The following GSX2 variants were observed in gnomAD, a reference collection of about 807,000 sequenced individuals.
GSX2 encodes the protein GS homeobox 2.
GSX2 carries 16 observed loss-of-function variants against 19.2 expected under a neutral mutation model. The ratio of observed to expected loss-of-function variants is 0.84; its 90% CI spans 0.57 to 1.27. The LOEUF (loss-of-function observed/expected upper bound fraction) is 1.27, where lower values mean the gene tolerates loss of function less well. Among genes scored for constraint, GSX2 ranks in the 50% most tolerant of loss-of-function variants. The pLI, the probability that GSX2 is intolerant of heterozygous loss-of-function variation, is 0.00. For synonymous variants in GSX2, 217 were observed against 196.4 expected, an observed-to-expected ratio of 1.10 and a Z score of -0.88; for missense variants, 448 against 428.4, an observed-to-expected ratio of 1.05 and a Z score of -0.40.
chr4:54,100,484 G>A lies in GSX2; in HGVS notation c.140G>A (p.Gly47Asp), dbSNP rs1216189061. 4 of 1,613,714 alleles carry A rather than the reference G, an allele frequency of 2.5e-6. No homozygotes were observed. The Admixed American group carries it at 5.0e-5, about 20-fold the overall frequency. ...MPPPLVMSVS[G>D]PGCPSRKSGA... ...CCCCCATTGGTGATGTCCGTGTCCG[G>A]CCCCGGCTGCCCGTCCCGCAAGAGC... Residue 47 changes from glycine to aspartate, a missense_variant, in exon 1 of 2, where the codon GGC (glycine) becomes GAC (aspartate). Gly to Asp is a moderately conservative substitution (Grantham distance 94). Coordinates refer to ENST00000326902, the MANE Select transcript of GSX2 (RefSeq NM_133267.3).
rs1168415287 is a variant in GSX2, at chr4:54,100,510, G to A, written c.166G>A (p.Gly56Ser). The A allele has an allele frequency of 1.9e-6, 3 of 1,613,342 alleles. No homozygotes were observed. Among genetic ancestry groups the A allele is most frequent in the Middle Eastern group, 1.7e-4 (1 of 6,060 alleles). Residue 56 changes from glycine (G) to serine (S), a missense_variant, in exon 1 of 2, where the codon GGC (glycine) becomes AGC (serine). Gly to Ser is a moderately conservative substitution (Grantham distance 56). Coordinates refer to ENST00000326902, the MANE Select transcript of GSX2 (RefSeq NM_133267.3). ...CCCCGGCTGCCCGTCCCGCAAGAGC[G>A]GCGCGTTCTGCGTGTGCCCTCTCTG... ...SGPGCPSRKS[G>S]AFCVCPLCVT...
At position 54,101,563 on chromosome 4, in the gene GSX2, T is replaced by A. The variant is rs768706715; in HGVS notation, c.575-19T>A. On this transcript the variant is annotated intron_variant, in intron 1 of 1. Coordinates refer to ENST00000326902, the MANE Select transcript of GSX2 (RefSeq NM_133267.3). This position sits in a 1 kb window ranked among gnomAD's most constrained non-coding sequence, Gnocchi z 5.0. ...TTGCCCGAGCCTTACCTCTCTACCC[T>A]CTCTTCGCCGGTCCGCAGGAGGCTC... 3.8e-6 allele frequency: 6 copies of A among 1,579,784 alleles called. No individual in the cohort carries two copies. The African/African-American group carries it at 8.1e-5, about 21-fold the overall frequency.
rs1184765366 is a variant in GSX2, at chr4:54,101,609, A to G, written c.602A>G (p.Asn201Ser). 6.8e-6 allele frequency: 11 copies of G among 1,613,428 alleles called. No homozygotes were observed. The highest frequency in any genetic ancestry group is 2.2e-5 in the East Asian group (1 of 44,880). ...MGGSDASQVP[N>S]GKRMRTAFTS... is the part of the protein sequence containing the mutation. Reference sequence around the variant, plus strand: ...GGCTCTGACGCCAGCCAGGTACCCAATGGCAAGAGGATGAGGACGGCGTTC... The same window carrying G: ...GGCTCTGACGCCAGCCAGGTACCCAGTGGCAAGAGGATGAGGACGGCGTTC... The change falls in exon 2 of 2, where the codon AAT becomes AGT. Residue 201 changes from asparagine to serine, a missense_variant. Asn to Ser is a conservative substitution (Grantham distance 46). Transcript: ENST00000326902. The surrounding 1 kb of genome is among the most constrained non-coding windows in gnomAD (Gnocchi z 5.0).
chr4:54,100,595 G>A lies in GSX2; in HGVS notation c.251G>A (p.Gly84Glu). Residue 84 changes from glycine to glutamate, a missense_variant, in exon 1 of 2, where the codon GGG becomes GAG. Transcript: ENST00000326902. The part of the protein sequence containing the change: ...GSVGAGSGGA[G>E]AGVTGAGGSG... ...GTGGGCGCCGGCAGCGGGGGCGCAG[G>A]GGCCGGGGTTACCGGGGCCGGAGGC... 1.3e-6 allele frequency: 2 copies of A among 1,567,390 alleles called. No homozygotes were observed. Among genetic ancestry groups the A allele is most frequent in the Middle Eastern group, 1.7e-4 (1 of 5,982 alleles).
At chr4:54,100,958 C>A (rs757885674) in intron 1 of GSX2, 40 bp downstream of exon 1, 3 of 1,509,138 alleles carry the variant, frequency 2.0e-6, no homozygotes, top group Admixed American at 2.1e-5. Context: ...CCGCGCCTTT[C>A]GCGCTCCTGG....
rs770891732 is a variant in GSX2 at position 54,101,883 on chromosome 4, G to C, written c.876G>C (p.Pro292=). The C allele has an allele frequency of 1.2e-6, 2 of 1,612,240 alleles. No individual in the cohort carries two copies. Among genetic ancestry groups the C allele is most frequent in the Non-Finnish European group, 8.5e-7 (1 of 1,178,624 alleles). The change falls in exon 2 of 2, where the codon CCG becomes CCC. Residue 292 remains proline (P), a synonymous_variant. Coordinates refer to ENST00000326902, the MANE Select transcript of GSX2 (RefSeq NM_133267.3). The surrounding 1 kb of genome is among the most constrained non-coding windows in gnomAD (Gnocchi z 5.0). The part of the protein sequence containing the change: ...ARSEDEDSLS[P]ASANDDKEIS... ...CCGAGGATGAGGACTCCCTGTCGCCGGCCTCAGCCAACGATGACAAGGAGA... is the reference window on the plus strand; with the variant it reads ...CCGAGGATGAGGACTCCCTGTCGCCCGCCTCAGCCAACGATGACAAGGAGA...
chr4:54,100,662 G>A lies in GSX2; in HGVS notation c.318G>A (p.Lys106=). 1 of 1,549,000 alleles carries A rather than the reference G, an allele frequency of 6.5e-7. No individual in the cohort carries two copies. The highest frequency in any genetic ancestry group is 8.7e-7 in the Non-Finnish European group (1 of 1,146,412). Residue 106 remains lysine, a synonymous_variant, in exon 1 of 2, where the codon AAG becomes AAA. Transcript: ENST00000326902. ...CCGCAGGGGCACTGCCTCTGCTTAA[G>A]GGCCAGTTCTCTTCGGCTCCTGGGG... ...AGAAGALPLL[K]GQFSSAPGDA...
Position 54,100,490 on chromosome 4 carries a change from G to A in GSX2, c.146G>A (p.Gly49Asp), listed in dbSNP as rs1201802093. The A allele has an allele frequency of 6.2e-7, 1 of 1,613,664 alleles. No homozygotes were observed. The highest frequency in any genetic ancestry group is 1.6e-4 in the Middle Eastern group (1 of 6,062). ...PPLVMSVSGP[G>D]CPSRKSGAFC... is the part of the protein sequence containing the mutation. ...TTGGTGATGTCCGTGTCCGGCCCCG[G>A]CTGCCCGTCCCGCAAGAGCGGCGCG... The change falls in exon 1 of 2, where the codon GGC becomes GAC. Residue 49 changes from glycine (G) to aspartate (D), a missense_variant. By Grantham distance (94) the Gly-to-Asp change is moderately conservative (BLOSUM62 -1). Coordinates refer to ENST00000326902, the MANE Select transcript of GSX2 (RefSeq NM_133267.3).
intron 1 of GSX2, 42 bp downstream of exon 1, chr4:54,100,960 C>A (rs1013782692): frequency 6.6e-7 from 1 of 1,504,874 alleles, no homozygotes; most frequent in East Asian, 2.5e-5. Flanking sequence ...GCGCCTTTCG[C>A]GCTCCTGGAG....
rs1406922546 is a variant in GSX2 at position 54,100,625 on chromosome 4, G to A, written c.281G>A (p.Gly94Glu). ...GAGVTGAGGS[G>E]VAGAAGALPL... ...GGGGTTACCGGGGCCGGAGGCAGTG[G>A]GGTGGCAGGGGCCGCAGGGGCACTG... Residue 94 changes from glycine to glutamate, a missense_variant, in exon 1 of 2, where the codon GGG (glycine) becomes GAG (glutamate). Coordinates refer to ENST00000326902, the MANE Select transcript of GSX2 (RefSeq NM_133267.3). The A allele has an allele frequency of 2.6e-6, 4 of 1,550,588 alleles. No homozygotes were observed. Among genetic ancestry groups the A allele is most frequent in the Non-Finnish European group, 3.5e-6 (4 of 1,147,738 alleles).
Position 54,101,808 on chromosome 4 carries a change from C to A in GSX2, c.801C>A (p.Asn267Lys), listed in dbSNP as rs886200881. The change falls in exon 2 of 2, where the codon AAC becomes AAA. Residue 267 changes from asparagine to lysine, a missense_variant. Coordinates refer to ENST00000326902, the MANE Select transcript of GSX2 (RefSeq NM_133267.3). The surrounding 1 kb of genome is among the most constrained non-coding windows in gnomAD (Gnocchi z 5.0). ...AGGAGGGGAAGGGCACGCAGAGGAA[C>A]AGTCACGCGGGCTGCAAGTGCGTCG... ...HKKEGKGTQRNSHAGCKCVGS... is the reference protein window; with the variant it reads ...HKKEGKGTQRKSHAGCKCVGS... The A allele has an allele frequency of 6.2e-7, 1 of 1,614,230 alleles. No homozygotes were observed. Among genetic ancestry groups the A allele is most frequent in the Non-Finnish European group, 8.5e-7 (1 of 1,180,040 alleles).
Position 54,101,724 on chromosome 4 carries a change from G to A in GSX2, c.717G>A (p.Leu239=). Residue 239 remains leucine (L), a synonymous_variant, in exon 2 of 2, where the codon CTG becomes CTA. Coordinates refer to ENST00000326902, the MANE Select transcript of GSX2 (RefSeq NM_133267.3). This position sits in a 1 kb window ranked among gnomAD's most constrained non-coding sequence, Gnocchi z 5.0. ...RLRRIEIATY[L]NLSEKQVKIW... is the part of the protein sequence containing the mutation. ...GGAGGATTGAAATCGCCACTTACCT[G>A]AACCTGTCGGAGAAGCAGGTGAAAA... is the stretch of plus-strand genomic sequence containing the variant. The A allele has an allele frequency of 6.2e-7, 1 of 1,614,186 alleles. No individual in the cohort carries two copies. Among genetic ancestry groups the A allele is most frequent in the Non-Finnish European group, 8.5e-7 (1 of 1,180,028 alleles).
chr4:54,100,544 C>T lies in GSX2; in HGVS notation c.200C>T (p.Ser67Leu). The change falls in exon 1 of 2, where the codon TCG (serine) becomes TTG (leucine). Residue 67 changes from serine (S) to leucine (L), a missense_variant. Coordinates refer to ENST00000326902, the MANE Select transcript of GSX2 (RefSeq NM_133267.3). Reference sequence around the variant, plus strand: ...TGCGTGTGCCCTCTCTGCGTCACTTCGCACCTGCACTCCTCTCGGGGGTCT... The same window carrying T: ...TGCGTGTGCCCTCTCTGCGTCACTTTGCACCTGCACTCCTCTCGGGGGTCT... The part of the protein sequence containing the change: ...AFCVCPLCVT[S>L]HLHSSRGSVG... 1.2e-6 allele frequency: 2 copies of T among 1,609,220 alleles called. No homozygotes were observed. The highest frequency in any genetic ancestry group is 1.1e-5 in the South Asian group (1 of 90,236).
chr4:54,102,015 A>G lies in GSX2; in HGVS notation c.*93A>G, dbSNP rs1281737037. 2.7e-6 allele frequency: 3 copies of G among 1,099,890 alleles called. No homozygotes were observed. Among genetic ancestry groups the G allele is most frequent in the African/African-American group, 1.6e-5 (1 of 63,112 alleles). The allele number at this position is 1,099,890 out of a possible 1,614,324, so 68.1% of individuals were successfully genotyped here. A position where few individuals can be genotyped will look rare whatever the true frequency, so the allele number is the denominator to read the frequency against. On this transcript the variant is annotated 3_prime_UTR_variant, in exon 2 of 2. Transcript: ENST00000326902. Reference sequence around the variant, plus strand: ...AGGGGCCAGAATCCTTGCTCATTGCAGTGGTCCCATCTGGAGAAGAAACGA... The same window carrying G: ...AGGGGCCAGAATCCTTGCTCATTGCGGTGGTCCCATCTGGAGAAGAAACGA...
In GSX2 at chr4:54,101,798, C is replaced by G. The variant is rs1443109248; in HGVS notation, c.791C>G (p.Thr264Arg). 6.2e-7 allele frequency: 1 copy of G among 1,614,070 alleles called. No individual in the cohort carries two copies. The highest frequency in any genetic ancestry group is 8.5e-7 in the Non-Finnish European group (1 of 1,180,038). Residue 264 changes from threonine to arginine, a missense_variant, in exon 2 of 2, where the codon ACG (threonine) becomes AGG (arginine). Transcript: ENST00000326902. The surrounding 1 kb of genome is among the most constrained non-coding windows in gnomAD (Gnocchi z 5.0). ...RVKHKKEGKG[T>R]QRNSHAGCKC... ...AAGCACAAGAAGGAGGGGAAGGGCA[C>G]GCAGAGGAACAGTCACGCGGGCTGC... is the stretch of plus-strand genomic sequence containing the variant.
chr4:54,100,352 G>T lies in GSX2; in HGVS notation c.8G>T (p.Arg3Leu), dbSNP rs377377329. 4.3e-6 allele frequency: 7 copies of T among 1,613,226 alleles called. No individual in the cohort carries two copies. Among genetic ancestry groups the T allele is most frequent in the African/African-American group, 4.0e-5 (3 of 74,922 alleles). The change falls in exon 1 of 2, where the codon CGC becomes CTC. Residue 3 changes from arginine (R) to leucine (L), a missense_variant. By Grantham distance (102) the Arg-to-Leu change is moderately radical (BLOSUM62 -2). Coordinates refer to ENST00000326902, the MANE Select transcript of GSX2 (RefSeq NM_133267.3). ...CCACCCACCCCTCTCGACATGTCGC[G>T]CTCCTTCTATGTCGACTCGCTCATC... MS[R>L]SFYVDSLIIK...
chr4:54,100,737 G>T lies in GSX2; in HGVS notation c.393G>T (p.Pro131=). 5.2e-6 allele frequency: 8 copies of T among 1,547,266 alleles called. No homozygotes were observed. Among genetic ancestry groups the T allele is most frequent in the Non-Finnish European group, 7.0e-6 (8 of 1,145,354 alleles). Residue 131 remains proline (P), a synonymous_variant, in exon 1 of 2, where the codon CCG becomes CCT. Coordinates refer to ENST00000326902, the MANE Select transcript of GSX2 (RefSeq NM_133267.3). ...ACCATGCGCATCATCACCACCACCC[G>T]CCGCAGCACCACCATCACCATCATC... ...RVNHAHHHHH[P]PQHHHHHHQP... is the part of the protein sequence containing the mutation.
At position 54,101,899 on chromosome 4, in the gene GSX2, G is replaced by T; in HGVS notation, c.892G>T (p.Asp298Tyr). 1 of 1,609,116 alleles carries T rather than the reference G, an allele frequency of 6.2e-7. No individual in the cohort carries two copies. The highest frequency in any genetic ancestry group is 8.5e-7 in the Non-Finnish European group (1 of 1,176,874). ...CCTGTCGCCGGCCTCAGCCAACGAT[G>T]ACAAGGAGATTTCCCCCTTATGAGG... is the stretch of plus-strand genomic sequence containing the variant. Reference protein sequence around the residue: ...DSLSPASANDDKEISPL With the variant: ...DSLSPASANDYKEISPL The change falls in exon 2 of 2, where the codon GAC becomes TAC. Residue 298 changes from aspartate (D) to tyrosine (Y), a missense_variant. Asp to Tyr is a radical substitution (Grantham distance 160, BLOSUM62 -3). Coordinates refer to ENST00000326902, the MANE Select transcript of GSX2 (RefSeq NM_133267.3). This position sits in a 1 kb window ranked among gnomAD's most constrained non-coding sequence, Gnocchi z 5.0.
rs1718155869 is a variant in GSX2 at position 54,100,751 on chromosome 4, A to G, written c.407A>G (p.His136Arg). ...HHHHHPPQHHHHHHQPQQPGS... is the reference protein window; with the variant it reads ...HHHHHPPQHHRHHHQPQQPGS... ...CACCACCACCCGCCGCAGCACCACCATCACCATCATCAGCCCCAGCAGCCT... is the reference window on the plus strand; with the variant it reads ...CACCACCACCCGCCGCAGCACCACCGTCACCATCATCAGCCCCAGCAGCCT... The change falls in exon 1 of 2, where the codon CAT becomes CGT. Residue 136 changes from histidine (H) to arginine (R), a missense_variant. His to Arg is a conservative substitution (Grantham distance 29). Transcript: ENST00000326902. 4 of 1,534,104 alleles carry G rather than the reference A, an allele frequency of 2.6e-6. No homozygotes were observed. Among genetic ancestry groups the G allele is most frequent in the Admixed American group, 4.0e-5 (2 of 49,740 alleles).
Sources: allele counts gnomAD v4.1 joint callset, GRCh38; gene constraint gnomAD v4.1.1; non-coding constraint Gnocchi (gnomAD v3.1); transcripts MANE v1.5; gene names NCBI Gene and HGNC (gene_info 2026-07-23, HGNC 2026-07-21).